The following GSK3B variants were observed in gnomAD, a reference collection of about 807,000 sequenced individuals.
GSK3B encodes the protein glycogen synthase kinase-3 beta.
Under a neutral mutation model 56.4 loss-of-function variants are expected in GSK3B, and 15 were observed. That is an observed-to-expected ratio of 0.27 (90% CI 0.18 to 0.41). GSK3B has a LOEUF of 0.41. Among genes scored for constraint, GSK3B ranks in the 10% least tolerant of loss-of-function variants. The probability of loss-of-function intolerance (pLI) is 1.00; values close to 1 mark genes in which losing one functional copy is unlikely to be tolerated. For missense variants in GSK3B, 300 were observed against 513.4 expected, an observed-to-expected ratio of 0.58 and a Z score of 4.02; for synonymous variants, 181 against 188.9, an observed-to-expected ratio of 0.96 and a Z score of 0.34.
chr3:119,980,513 C>T (rs952959052), intron 2 of GSK3B, among the ~76,000 whole-genome samples: 6 of 152,060 alleles, frequency 3.9e-5, no homozygotes, highest in Non-Finnish European at 7.4e-5. Flanking sequence ...CCACCACGCC[C>T]GGGGAATTTT....
At chr3:120,065,577 A>C (rs2058271301) in intron 1 of GSK3B, among the ~76,000 whole-genome samples, 2 of 152,302 alleles carry the variant, frequency 1.3e-5, no homozygotes, top group Non-Finnish European at 2.9e-5. Context: ...TTAAACATAG[A>C]AACACCATAT....
At chr3:119,921,841 A>T (rs957041491) in intron 4 of GSK3B, among the ~76,000 whole-genome samples, 1 of 152,178 alleles carries the variant, frequency 6.6e-6, no homozygotes, top group Non-Finnish European at 1.5e-5. Context: ...ATTACATTTT[A>T]AAAAATAATA....
At chr3:119,931,590 A>G (rs915701645) in intron 3 of GSK3B, among the ~76,000 whole-genome samples, 1 of 152,168 alleles carries the variant, frequency 6.6e-6, no homozygotes, top group Non-Finnish European at 1.5e-5. Flanking sequence ...ACTCCAGCCT[A>G]GGTGACAGAG....
At chr3:120,004,094 C>A (rs2057702787) in intron 1 of GSK3B, among the ~76,000 whole-genome samples, 1 of 152,274 alleles carries the variant, frequency 6.6e-6, no homozygotes, top group Non-Finnish European at 1.5e-5. Flanking sequence ...AGAAGATCCC[C>A]TCCCATGCCT....
intron 2 of GSK3B, among the ~76,000 whole-genome samples, chr3:119,948,855 C>A (rs755339932): frequency 1.3e-5 from 2 of 152,084 alleles, no homozygotes; most frequent in Non-Finnish European, 2.9e-5. Context: ...CCTGCCACCA[C>A]GCCCAGCTAA....
rs902941355 is a variant in GSK3B, at chr3:120,094,236, C to G, written c.-802G>C. On this transcript the variant is annotated 5_prime_UTR_variant, in exon 1 of 11. Coordinates refer to ENST00000264235, the MANE Select transcript of GSK3B (RefSeq NM_001146156.2). ...GTCCCTCGGGGCCCCCTCCCCCGTC[C>G]GCGGCAACAGCTCGGCCGCCCTCCC... The G allele has an allele frequency of 4.4e-6, 1 of 225,222 alleles. No individual in the cohort carries two copies. Among genetic ancestry groups the G allele is most frequent in the Non-Finnish European group, 8.9e-6 (1 of 112,332 alleles). 14.0% of individuals were successfully genotyped at this position (225,222 alleles called of 1,614,324 possible).
In GSK3B at chr3:119,835,444, A is replaced by G. The variant is rs367858549; in HGVS notation, c.1195+7811T>C. ...CAAACCAAAAGTCCAAGAATAAGAA[A>G]TTAACTATGGTATAGCCTTAGGATA... On this transcript the variant is annotated intron_variant, in intron 10 of 10. Coordinates refer to ENST00000264235, the MANE Select transcript of GSK3B (RefSeq NM_001146156.2). Among the ~76,000 whole-genome samples the G allele has an allele frequency of 5.3e-5, 8 of 152,338 alleles. No individual in the cohort carries two copies. In the East Asian group the frequency reaches 7.7e-4, roughly 15 times the overall value.
intron 1 of GSK3B, among the ~76,000 whole-genome samples, chr3:120,046,050 A>C (rs146784986): frequency 2.7e-3 from 393 of 148,284 alleles, no homozygotes; most frequent in African/African-American, 8.5e-3. Flanking sequence ...GATAGTAAAA[A>C]GTTCAGTGGT....
intron 7 of GSK3B, among the ~76,000 whole-genome samples, chr3:119,879,685 A>G (rs372222858): frequency 2.0e-5 from 3 of 152,010 alleles, no homozygotes; most frequent in East Asian, 3.9e-4. Context: ...TCTACTCCCT[A>G]TCTCCATGAG....
intron 7 of GSK3B, among the ~76,000 whole-genome samples, chr3:119,893,810 C>T (rs1485910281): frequency 1.3e-5 from 2 of 151,712 alleles, no homozygotes; most frequent in African/African-American, 4.8e-5. Flanking sequence ...TTATTGCCTT[C>T]CTTAAGATGC....
In GSK3B at chr3:119,822,495, A is replaced by T. The variant is rs1344123848; in HGVS notation, c.*4293T>A. ...ACTTTGTCAAGCTAACCCCTTATGT[A>T]CTGGTTGTCATTTTGCTTTTATTGC... is the stretch of plus-strand genomic sequence containing the variant. On this transcript the variant is annotated 3_prime_UTR_variant, in exon 11 of 11. Coordinates refer to ENST00000264235, the MANE Select transcript of GSK3B (RefSeq NM_001146156.2). 8.9e-6 allele frequency: 2 copies of T among 225,868 alleles called. No individual in the cohort carries two copies. Among genetic ancestry groups the T allele is most frequent in the Non-Finnish European group, 1.8e-5 (2 of 113,512 alleles). The allele number at this position is 225,868 out of a possible 1,614,324, so 14.0% of individuals were successfully genotyped here. A position where few individuals can be genotyped will look rare whatever the true frequency, so the allele number is the denominator to read the frequency against.
At chr3:120,053,061 G>A (rs2058163561) in intron 1 of GSK3B, among the ~76,000 whole-genome samples, 1 of 152,156 alleles carries the variant, frequency 6.6e-6, no homozygotes, top group East Asian at 1.9e-4. Flanking sequence ...CTATAGGCCG[G>A]GCATGGTGCT....
chr3:120,067,250 AAAG>A (rs1363015296), intron 1 of GSK3B, among the ~76,000 whole-genome samples: 1 of 152,056 alleles, frequency 6.6e-6, no homozygotes, highest in Non-Finnish European at 1.5e-5. Flanking sequence ...AAAAAAAAAA[AAAG>A]AGAGGTAACT....
At chr3:119,966,377 C>T (rs1459654883) in intron 2 of GSK3B, among the ~76,000 whole-genome samples, 1 of 152,166 alleles carries the variant, frequency 6.6e-6, no homozygotes, top group Non-Finnish European at 1.5e-5. Context: ...AGCACTCTCA[C>T]TTAAGTATGA....
intron 1 of GSK3B, among the ~76,000 whole-genome samples, chr3:120,010,999 C>T (rs114895917): frequency 0.026 from 3,941 of 152,168 alleles, 173 homozygotes; most frequent in African/African-American, 0.089. Context: ...ACCCAGGAGG[C>T]GGGAGGCTGC....
intron 3 of GSK3B, among the ~76,000 whole-genome samples, chr3:119,926,328 CCACACACACACACACA>C (rs146771538): frequency 6.8e-6 from 1 of 146,822 alleles, no homozygotes; most frequent in Non-Finnish European, 1.5e-5. Context: ...TCTTACACTT[CCACACACACACACACA>C]CACACACACA....
intron 9 of GSK3B, among the ~76,000 whole-genome samples, chr3:119,861,850 A>G (rs977820493): frequency 1.3e-5 from 2 of 152,326 alleles, no homozygotes; most frequent in South Asian, 2.1e-4. Context: ...TTCTCAGAAC[A>G]TATCTGCATC....
intron 8 of GSK3B, among the ~76,000 whole-genome samples, chr3:119,869,668 G>T (rs2056228471): frequency 6.6e-6 from 1 of 152,182 alleles, no homozygotes; most frequent in South Asian, 2.1e-4. Flanking sequence ...TAATGTCATT[G>T]ATAGGTTCTT....
chr3:120,016,855 T>C (rs1180168898), intron 1 of GSK3B, among the ~76,000 whole-genome samples: 3 of 152,210 alleles, frequency 2.0e-5, no homozygotes, highest in South Asian at 4.1e-4. Context: ...ATTTTCCTTT[T>C]CTCTAACTTC....
Sources: gnomAD v4.1 joint callset for allele counts (sites outside exome capture counted in the v4.1 genomes callset) on GRCh38, gnomAD v4.1.1 for gene constraint, MANE v1.5 for transcripts, NCBI Gene and HGNC (gene_info 2026-07-23, HGNC 2026-07-21) for gene names.